Variants in SMARCAL1 observed in about 807,000 individuals in gnomAD.
SMARCAL1 encodes the protein SNF2 related chromatin remodeling annealing helicase 1.
Under a neutral mutation model 94.5 loss-of-function variants are expected in SMARCAL1, and 58 were observed. That is an observed-to-expected ratio of 0.61 (90% CI 0.50 to 0.76). The LOEUF is 0.76. Among genes scored for constraint, SMARCAL1 ranks in the 30% least tolerant of loss-of-function variants. SMARCAL1 has a pLI of 0.00. For synonymous variants in SMARCAL1, 422 were observed against 455.1 expected (o/e 0.93, Z 0.93); for missense variants, 1,051 against 1,177.9 (o/e 0.89, Z 1.58).
chr2:216,465,435 C>T (rs1432634360), intron 13 of SMARCAL1, among the ~76,000 whole-genome samples: 1 of 152,174 alleles, frequency 6.6e-6, no homozygotes, highest in Non-Finnish European at 1.5e-5. Flanking sequence ...TCCCCAAGGT[C>T]AGGAATTGTC....
rs73072254 is a variant in SMARCAL1 at position 216,414,437 on chromosome 2, G to A, written c.-58-210G>A. The A allele has an allele frequency of 0.012, 5,375 of 430,360 alleles. 242 individuals carry two copies. Among genetic ancestry groups the A allele is most frequent in the African/African-American group, 0.099 (4,923 of 49,704 alleles). 26.7% of individuals were successfully genotyped at this position (430,360 alleles called of 1,614,324 possible). A position where few individuals can be genotyped will look rare whatever the true frequency, so the allele number is the denominator to read the frequency against. ...TTCCCAAAGTGCTGGGATTACACCC[G>A]ACCTGCTTTTTGCTTTTTGATCAGG... On this transcript the variant is annotated intron_variant, in intron 2 of 17. Transcript: ENST00000357276.
Position 216,425,460 on chromosome 2 carries a change from G to A in SMARCAL1, c.1147+1777G>A, listed in dbSNP as rs201815695. On this transcript the variant is annotated intron_variant, in intron 6 of 17. Coordinates refer to ENST00000357276, the MANE Select transcript of SMARCAL1 (RefSeq NM_014140.4). Reference sequence around the variant, plus strand: ...GTTACAGCATGTTACAGCTCTGGCCGAGGGAGTCCCAAGGTCTGGGCTCCC... The same window carrying A: ...GTTACAGCATGTTACAGCTCTGGCCAAGGGAGTCCCAAGGTCTGGGCTCCC... Among the ~76,000 whole-genome samples the A allele has an allele frequency of 8.5e-5, 13 of 152,340 alleles. No individual in the cohort carries two copies. In the East Asian group the frequency reaches 1.2e-3, roughly 14 times the overall value.
intron 10 of SMARCAL1, among the ~76,000 whole-genome samples, chr2:216,444,401 AAG>A (rs1491569309): frequency 1.3e-5 from 2 of 152,220 alleles, no homozygotes; most frequent in Non-Finnish European, 2.9e-5. Context: ...GGAAAAAAAA[AAG>A]AGATCACATA....
chr2:216,472,700 T>G (rs983007611), intron 14 of SMARCAL1, among the ~76,000 whole-genome samples: 12 of 149,554 alleles, frequency 8.0e-5, no homozygotes, highest in African/African-American at 2.9e-4. Flanking sequence ...AATAGATAGT[T>G]CATCAAAGAA....
intron 12 of SMARCAL1, among the ~76,000 whole-genome samples, chr2:216,452,058 C>T (rs1237734244): frequency 6.6e-6 from 1 of 152,166 alleles, no homozygotes; most frequent in Non-Finnish European, 1.5e-5. Flanking sequence ...ATAGAGGATG[C>T]ACTGGCAAAT....
At chr2:216,480,823 G>A (rs1296754366) in intron 17 of SMARCAL1, among the ~76,000 whole-genome samples, 1 of 152,174 alleles carries the variant, frequency 6.6e-6, no homozygotes, top group African/African-American at 2.4e-5. Flanking sequence ...ACTTGATGAG[G>A]TAGGGACAGC....
At chr2:216,447,242 T>G in intron 11 of SMARCAL1, 84 bp downstream of exon 11, 394 of 1,364,936 alleles carry the variant, frequency 2.9e-4, no homozygotes, top group Non-Finnish European at 3.5e-4. Context: ...TCTCTGGCCA[T>G]GATATGGTCA....
intron 12 of SMARCAL1, among the ~76,000 whole-genome samples, chr2:216,459,129 A>G (rs1694639450): frequency 6.6e-6 from 1 of 152,132 alleles, no homozygotes; most frequent in Admixed American, 6.5e-5. Context: ...CTTACAAGGG[A>G]TGTGAAGGAC....
rs1355626753 is a variant in SMARCAL1 at position 216,415,503 on chromosome 2, A to G, written c.799A>G (p.Ser267Gly). 2 of 1,611,076 alleles carry G rather than the reference A, an allele frequency of 1.2e-6. No individual in the cohort carries two copies. Among genetic ancestry groups the G allele is most frequent in the Non-Finnish European group, 1.7e-6 (2 of 1,178,202 alleles). The change falls in exon 3 of 18, where the codon AGC becomes GGC. Residue 267 changes from serine to glycine, a missense_variant. This residue lies in a region of SMARCAL1 where 398 missense variants were observed against 395.2 expected (regional missense o/e 1.01). Coordinates refer to ENST00000357276, the MANE Select transcript of SMARCAL1 (RefSeq NM_014140.4). The part of the protein sequence containing the change: ...ELIAVFKTLP[S>G]KNYDPDTKTW... ...CATTGCAGTGTTTAAGACCCTGCCCAGCAAGAATTATGGTAATGTCTTCAT... is the reference window on the plus strand; with the variant it reads ...CATTGCAGTGTTTAAGACCCTGCCCGGCAAGAATTATGGTAATGTCTTCAT...
intron 4 of SMARCAL1, among the ~76,000 whole-genome samples, chr2:216,419,784 C>T (rs1332007034): frequency 6.6e-6 from 1 of 152,026 alleles, no homozygotes; most frequent in African/African-American, 2.4e-5. Flanking sequence ...AATACCAGCA[C>T]TTCGGGAGGC....
At chr2:216,453,204 C>G (rs1311581556) in intron 12 of SMARCAL1, among the ~76,000 whole-genome samples, 1 of 152,184 alleles carries the variant, frequency 6.6e-6, no homozygotes. Context: ...CGGAGCTCTT[C>G]TCAGTCCAGC....
chr2:216,418,044 C>T (rs899587942), intron 4 of SMARCAL1, among the ~76,000 whole-genome samples: 48 of 152,156 alleles, frequency 3.2e-4, no homozygotes, highest in Admixed American at 5.9e-4. Context: ...CCTCAGCCTC[C>T]TGAGTAGCTG....
At chr2:216,416,080 A>G in intron 3 of SMARCAL1, 177 bp from the exon 4 acceptor site, 1 of 623,746 alleles carries the variant, frequency 1.6e-6, no homozygotes, top group Non-Finnish European at 3.0e-6. Context: ...TACATGGAAT[A>G]AAAGAATTAT....
intron 4 of SMARCAL1, among the ~76,000 whole-genome samples, chr2:216,418,153 A>G (rs1693644745): frequency 2.0e-5 from 3 of 152,144 alleles, no homozygotes; most frequent in African/African-American, 7.2e-5. Context: ...CCCTGACCTC[A>G]GGTGATCTAC....
intron 10 of SMARCAL1, among the ~76,000 whole-genome samples, chr2:216,440,240 CTAAAT>C (rs1694168836): frequency 6.6e-6 from 1 of 152,124 alleles, no homozygotes; most frequent in South Asian, 2.1e-4. Flanking sequence ...TCAGCCATAA[CTAAAT>C]TAAATCTTTA....
chr2:216,425,026 G>A (rs1693801663), intron 6 of SMARCAL1, among the ~76,000 whole-genome samples: 1 of 152,132 alleles, frequency 6.6e-6, no homozygotes, highest in Non-Finnish European at 1.5e-5. Context: ...TCAAGCGATT[G>A]TCCTGTTTCA....
chr2:216,415,340 G>A lies in SMARCAL1; in HGVS notation c.636G>A (p.Glu212=), dbSNP rs1198764749. ...TTTCTTACATCCATTCTAGCTCAGA[G>A]AGTGTAACGCCCAGGACAGAAGGAA... is the stretch of plus-strand genomic sequence containing the variant. ...QNISYIHSSS[E]SVTPRTEGRL... is the part of the protein sequence containing the mutation. Residue 212 remains glutamate (E), a synonymous_variant, in exon 3 of 18, where the codon GAG becomes GAA. Transcript: ENST00000357276. 1.2e-6 allele frequency: 2 copies of A among 1,614,126 alleles called. No homozygotes were observed. Among genetic ancestry groups the A allele is most frequent in the African/African-American group, 1.3e-5 (1 of 74,938 alleles).
At chr2:216,437,266 A>G (rs1694100157) in intron 9 of SMARCAL1, among the ~76,000 whole-genome samples, 1 of 152,204 alleles carries the variant, frequency 6.6e-6, no homozygotes, top group African/African-American at 2.4e-5. Flanking sequence ...ACTTGACTGT[A>G]ATGAGGTCTC....
intron 8 of SMARCAL1, among the ~76,000 whole-genome samples, chr2:216,434,915 A>AT (rs1694047728): frequency 6.8e-6 from 1 of 147,754 alleles, no homozygotes; most frequent in Non-Finnish European, 1.5e-5. Context: ...CCGGAGTGCA[A>AT]TGGCGCGATC....
Sources: allele counts gnomAD v4.1 joint callset (sites outside exome capture counted in the v4.1 genomes callset), GRCh38; gene constraint gnomAD v4.1.1; regional missense constraint gnomAD v4.1.1; transcripts MANE v1.5; gene names NCBI Gene and HGNC (gene_info 2026-07-23, HGNC 2026-07-21).